The following KIF6 variants were observed in gnomAD, a reference collection of about 807,000 sequenced individuals.
The protein encoded by KIF6 is kinesin-like protein KIF6.
KIF6 carries 106 observed loss-of-function variants against 112.7 expected under a neutral mutation model. The ratio of observed to expected loss-of-function variants is 0.94; its 90% CI spans 0.80 to 1.11. The LOEUF is 1.11. Among genes scored for constraint, KIF6 ranks in the 50% least tolerant of loss-of-function variants. The probability of loss-of-function intolerance (pLI) is 0.00; values close to 1 mark genes in which losing one functional copy is unlikely to be tolerated. For missense variants in KIF6, 929 were observed against 964.0 expected (o/e 0.96, Z 0.48); for synonymous variants, 339 against 339.9 (o/e 1.00, Z 0.03).
intron 13 of KIF6, among the ~76,000 whole-genome samples, chr6:39,482,912 G>A (rs578097789): frequency 6.6e-6 from 1 of 152,180 alleles, no homozygotes; most frequent in Non-Finnish European, 1.5e-5. Flanking sequence ...CTAGAGAAGG[G>A]GAGGGGCTTG....
chr6:39,454,739 G>A (rs565782002), intron 13 of KIF6, among the ~76,000 whole-genome samples: 6 of 152,010 alleles, frequency 3.9e-5, no homozygotes, highest in Admixed American at 1.3e-4. Context: ...TTCCCTTTCC[G>A]AGTCAAAGAA....
chr6:39,701,163 T>A (rs160032), intron 3 of KIF6, among the ~76,000 whole-genome samples: 1 of 152,184 alleles, frequency 6.6e-6, no homozygotes, highest in African/African-American at 2.4e-5. Flanking sequence ...ATTTACTGAT[T>A]AAGTTTGCTG....
intron 3 of KIF6, chr6:39,689,982 A>G (rs531892163): frequency 6.8e-4 from 104 of 152,336 alleles, no homozygotes; most frequent in African/African-American, 2.4e-3. Flanking sequence ...GAAAGGTGCC[A>G]TTTTAAATTT....
intron 15 of KIF6, among the ~76,000 whole-genome samples, chr6:39,389,669 G>T (rs1767710232): frequency 6.6e-6 from 1 of 152,150 alleles, no homozygotes; most frequent in South Asian, 2.1e-4. Flanking sequence ...GGCAGCTATA[G>T]CCCATCACTT....
intron 22 of KIF6, among the ~76,000 whole-genome samples, chr6:39,340,162 G>A (rs545303168): frequency 5.6e-4 from 85 of 152,316 alleles, no homozygotes; most frequent in African/African-American, 1.7e-3. Context: ...GAGGGACCCC[G>A]TGTCAACCTG....
chr6:39,724,138 A>T (rs1790391714), intron 1 of KIF6, among the ~76,000 whole-genome samples: 1 of 152,192 alleles, frequency 6.6e-6, no homozygotes, highest in Non-Finnish European at 1.5e-5. Context: ...AGAAGAGAGG[A>T]TGTTTTGAAA....
At chr6:39,456,234 T>G (rs7449708) in intron 13 of KIF6, among the ~76,000 whole-genome samples, 4,815 of 5,274 alleles carry the variant, frequency 0.91, 2,210 homozygotes, top group South Asian at 0.96. Context: ...TTAAAGAAAA[T>G]AATTTTCAAC....
At chr6:39,638,703 T>C (rs901392628) in intron 4 of KIF6, among the ~76,000 whole-genome samples, 2 of 152,108 alleles carry the variant, frequency 1.3e-5, no homozygotes, top group Non-Finnish European at 2.9e-5. Context: ...GTGACTGTTA[T>C]ATTGACCTAG....
intron 13 of KIF6, among the ~76,000 whole-genome samples, chr6:39,515,915 A>G (rs1777060315): frequency 6.6e-6 from 1 of 152,214 alleles, no homozygotes; most frequent in South Asian, 2.1e-4. Flanking sequence ...TCCAAGACAT[A>G]TTGAGTGTAG....
intron 12 of KIF6, among the ~76,000 whole-genome samples, chr6:39,543,657 C>A (rs1284712449): frequency 2.0e-5 from 3 of 152,180 alleles, no homozygotes; most frequent in Non-Finnish European, 4.4e-5. Context: ...AAAGAACTGA[C>A]CGAAAGGATT....
At chr6:39,568,309 AG>A in intron 10 of KIF6, among the ~76,000 whole-genome samples, 1 of 152,302 alleles carries the variant, frequency 6.6e-6, no homozygotes, top group Non-Finnish European at 1.5e-5. Context: ...CATTTGATCA[AG>A]GAAGTGAAGA....
At chr6:39,414,411 T>C (rs534345433) in intron 15 of KIF6, among the ~76,000 whole-genome samples, 142 of 152,198 alleles carry the variant, frequency 9.3e-4, no homozygotes, top group Non-Finnish European at 1.8e-3. Flanking sequence ...AAAATGATAG[T>C]TGAAACACAT....
intron 16 of KIF6, among the ~76,000 whole-genome samples, chr6:39,370,728 T>C (rs541300955): frequency 9.2e-5 from 14 of 152,058 alleles, no homozygotes; most frequent in Admixed American, 2.6e-4. Flanking sequence ...GGGTGGTGTG[T>C]GTGGAGATGC....
intron 12 of KIF6, among the ~76,000 whole-genome samples, chr6:39,541,701 T>C (rs955796993): frequency 4.6e-5 from 7 of 152,142 alleles, no homozygotes; most frequent in Admixed American, 4.6e-4. Context: ...GAATGCCACA[T>C]ACCTAATCTG....
intron 3 of KIF6, among the ~76,000 whole-genome samples, chr6:39,682,438 A>G (rs371085017): frequency 6.6e-6 from 1 of 152,220 alleles, no homozygotes; most frequent in South Asian, 2.1e-4. Context: ...TACAAAAGGT[A>G]CAGTAAAAAT....
Position 39,362,447 on chromosome 6 carries a change from C to T in KIF6, c.1933G>A (p.Glu645Lys). 5 of 1,613,886 alleles carry T rather than the reference C, an allele frequency of 3.1e-6. No homozygotes were observed. Among genetic ancestry groups the T allele is most frequent in the Non-Finnish European group, 4.2e-6 (5 of 1,179,792 alleles). The change falls in exon 17 of 23, where the codon GAA becomes AAA. Residue 645 changes from glutamate to lysine, a missense_variant. Glu to Lys is a moderately conservative substitution (Grantham distance 56). Transcript: ENST00000287152. Reference protein sequence around the residue: ...QEEKLRSQLEEEKRRYKTMFT... With the variant: ...QEEKLRSQLEKEKRRYKTMFT... ...AAGGAAGGGCACCTTCTCTTTTCTT[C>T]CTCCAGTTGTGATCGCAGCTTCTCC...
intron 3 of KIF6, among the ~76,000 whole-genome samples, chr6:39,657,873 T>G (rs1045109693): frequency 6.6e-6 from 1 of 152,228 alleles, no homozygotes; most frequent in Non-Finnish European, 1.5e-5. Flanking sequence ...CACTCAGCTA[T>G]ACCACCTTTG....
intron 3 of KIF6, among the ~76,000 whole-genome samples, chr6:39,653,027 G>T (rs562806623): frequency 1.3e-5 from 2 of 152,170 alleles, no homozygotes; most frequent in Admixed American, 6.5e-5. Flanking sequence ...TTTTTAAAAT[G>T]CGAGGGCTAA....
intron 16 of KIF6, among the ~76,000 whole-genome samples, chr6:39,370,440 C>T (rs188192262): frequency 1.5e-4 from 23 of 152,340 alleles, no homozygotes; most frequent in African/African-American, 5.1e-4. Context: ...CTTCATCAAG[C>T]TGTCTCCCTC....
Sources: allele counts gnomAD v4.1 joint callset (sites outside exome capture counted in the v4.1 genomes callset), GRCh38; gene constraint gnomAD v4.1.1; transcripts MANE v1.5; gene names NCBI Gene and HGNC (gene_info 2026-07-23, HGNC 2026-07-21).